The following RYR2 variants were observed in gnomAD, a reference collection of about 807,000 sequenced individuals.
The protein encoded by RYR2 is ryanodine receptor 2.
In RYR2, 227 loss-of-function variants were observed where a neutral mutation model predicts 601.1. The observed-to-expected ratio is 0.38, with a 90% CI of 0.34 to 0.42. The LOEUF is 0.42. RYR2 is among the 10% of genes least tolerant of loss of function. The pLI, the probability that RYR2 is intolerant of heterozygous loss-of-function variation, is 1.00. For missense variants in RYR2, 4,646 were observed against 6,156.5 expected, an observed-to-expected ratio of 0.75 and a Z score of 8.21; for synonymous variants, 2,223 against 2,175.1, an observed-to-expected ratio of 1.02 and a Z score of -0.61.
rs35563566 is a variant in RYR2, at chr1:237,801,833, A to ATT, written c.14091-12_14091-11dup. 44,905 of 1,357,498 alleles carry ATT rather than the reference A, an allele frequency of 0.033. 355 individuals carry two copies. The highest frequency in any genetic ancestry group is 0.085 in the African/African-American group (5,829 of 68,196). 84.1% of individuals were successfully genotyped at this position (1,357,498 alleles called of 1,614,324 possible). ...CTTTGGTTAATGTGCATAACTACGC[A>ATT]TTTTTTTTTTTTGTCATTGCAGACT... On this transcript the variant is annotated intron_variant, in intron 97 of 104. Coordinates refer to ENST00000366574, the MANE Select transcript of RYR2 (RefSeq NM_001035.3).
intron 1 of RYR2, among the ~76,000 whole-genome samples, chr1:237,193,123 C>A (rs1261932411): frequency 8.3e-6 from 1 of 120,470 alleles, no homozygotes; most frequent in African/African-American, 3.1e-5. Flanking sequence ...GAGATCAAGA[C>A]CATCCTGGCT....
rs757006230 is a variant in RYR2 at position 237,655,786 on chromosome 1, A to G, written c.7966-35A>G. ...ATCATGCTGACAACTTTTGCCATAT[A>G]GTAATTTTTTTTTTTGGTCCTCCAT... On this transcript the variant is annotated intron_variant, in intron 52 of 104. Transcript: ENST00000366574. 4 of 1,546,146 alleles carry G rather than the reference A, an allele frequency of 2.6e-6. No homozygotes were observed. The East Asian group carries it at 9.4e-5, about 36-fold the overall frequency.
At chr1:237,369,512 C>T (rs1572014278) in intron 5 of RYR2, 22 bp from the exon 6 acceptor site, 2 of 1,550,062 alleles carry the variant, frequency 1.3e-6, no homozygotes, top group African/African-American at 1.4e-5. Flanking sequence ...TCTTGTTCTC[C>T]TTTTTTCTCT....
At chr1:237,467,097 A>G (rs191197943) in intron 16 of RYR2, among the ~76,000 whole-genome samples, 26 of 149,038 alleles carry the variant, frequency 1.7e-4, no homozygotes, top group Admixed American at 6.7e-4. Context: ...CTTATGTTAT[A>G]TATATCATAT....
At chr1:237,426,449 T>C (rs2150073629) in intron 12 of RYR2, among the ~76,000 whole-genome samples, 1 of 152,264 alleles carries the variant, frequency 6.6e-6, no homozygotes, top group East Asian at 1.9e-4. Flanking sequence ...GGCTTCTTTC[T>C]TAAATCTAGC....
At chr1:237,143,206 A>G (rs1673580786) in intron 1 of RYR2, among the ~76,000 whole-genome samples, 1 of 152,220 alleles carries the variant, frequency 6.6e-6, no homozygotes, top group Non-Finnish European at 1.5e-5. Context: ...TGTAAAACAT[A>G]AATTGAGTCA....
chr1:237,228,840 C>A (rs1476214862), intron 1 of RYR2, among the ~76,000 whole-genome samples: 1 of 152,138 alleles, frequency 6.6e-6, no homozygotes, highest in Non-Finnish European at 1.5e-5. Context: ...TTGCCAAATT[C>A]TCTTCCTTTT....
At chr1:237,713,738 T>C (rs1219971563) in intron 71 of RYR2, among the ~76,000 whole-genome samples, 1 of 152,132 alleles carries the variant, frequency 6.6e-6, no homozygotes, top group East Asian at 1.9e-4. Flanking sequence ...GATAGATAGG[T>C]AGATAGCATT....
At position 237,648,576 on chromosome 1, in the gene RYR2, TTC is replaced by T; in HGVS notation, c.7477_7478del (p.Leu2493AlafsTer53). On this transcript the variant is annotated frameshift_variant, in exon 49 of 105. Transcript: ENST00000366574. LOFTEE classifies it high-confidence loss of function. ...CTCCTCCATCTTCTTGAGGTTGGCT[TTC>T]TGCCAGATCTCCGGGCGGCTGCTTC... The T allele has an allele frequency of 6.2e-7, 1 of 1,611,160 alleles. No homozygotes were observed. The highest frequency in any genetic ancestry group is 8.5e-7 in the Non-Finnish European group (1 of 1,178,552).
At chr1:237,147,412 G>A (rs1279356978) in intron 1 of RYR2, among the ~76,000 whole-genome samples, 1 of 152,064 alleles carries the variant, frequency 6.6e-6, no homozygotes, top group African/African-American at 2.4e-5. Context: ...TGGGGGTAGG[G>A]GTGGAAATAC....
At chr1:237,358,035 A>G (rs1699449519) in intron 4 of RYR2, among the ~76,000 whole-genome samples, 1 of 152,102 alleles carries the variant, frequency 6.6e-6, no homozygotes, top group African/African-American at 2.4e-5. Context: ...TTGAAATTCT[A>G]CTGTTACAGG....
At chr1:237,598,423 AAAAT>A (rs1372872456) in intron 34 of RYR2, among the ~76,000 whole-genome samples, 11 of 152,244 alleles carry the variant, frequency 7.2e-5, no homozygotes, top group African/African-American at 1.9e-4. Flanking sequence ...GTTAGGCCAC[AAAAT>A]AAATCTTTAA....
In RYR2 at chr1:237,798,158, C is replaced by T; in HGVS notation, c.14078C>T (p.Ser4693Phe). ...REKKKPKKDSSLSAVLNSIDV... is the reference protein window; with the variant it reads ...REKKKPKKDSFLSAVLNSIDV... Reference sequence around the variant, plus strand: ...AAGAAGAAGCCAAAGAAAGACAGCTCCTTATCAGCTGTGTAAGTGTTACTT... The same window carrying T: ...AAGAAGAAGCCAAAGAAAGACAGCTTCTTATCAGCTGTGTAAGTGTTACTT... The change falls in exon 97 of 105, where the codon TCC (serine) becomes TTC (phenylalanine). Residue 4693 changes from serine to phenylalanine, a missense_variant. Coordinates refer to ENST00000366574, the MANE Select transcript of RYR2 (RefSeq NM_001035.3). 10 of 1,612,468 alleles carry T rather than the reference C, an allele frequency of 6.2e-6. No individual in the cohort carries two copies. Among genetic ancestry groups the T allele is most frequent in the Non-Finnish European group, 7.6e-6 (9 of 1,179,220 alleles).
chr1:237,541,772 G>A (rs919782214), intron 25 of RYR2, among the ~76,000 whole-genome samples: 1 of 152,114 alleles, frequency 6.6e-6, no homozygotes, highest in African/African-American at 2.4e-5. Flanking sequence ...GGGCAGGAGT[G>A]GGGGTCACAA....
intron 11 of RYR2, among the ~76,000 whole-genome samples, chr1:237,421,064 C>T (rs1386373048): frequency 4.6e-5 from 7 of 152,144 alleles, no homozygotes; most frequent in South Asian, 2.1e-4. Context: ...CATGATGAAA[C>T]CCCGTCTCTA....
At chr1:237,825,606 G>A (rs1328559609) in intron 101 of RYR2, among the ~76,000 whole-genome samples, 2 of 152,120 alleles carry the variant, frequency 1.3e-5, no homozygotes, top group Non-Finnish European at 2.9e-5. Flanking sequence ...ATAGGCATGG[G>A]CAAAGACTTC....
chr1:237,631,823 T>C (rs950189631), intron 42 of RYR2, among the ~76,000 whole-genome samples: 6 of 151,068 alleles, frequency 4.0e-5, no homozygotes, highest in Admixed American at 6.6e-5. Context: ...AGAGACGGGG[T>C]TTCACTGTGT....
chr1:237,757,587 A>G, intron 81 of RYR2, 110 bp from the exon 82 acceptor site: 1 of 703,138 alleles, frequency 1.4e-6, no homozygotes. Context: ...CATTAAACAG[A>G]TTGCCTGGGG....
At chr1:237,212,167 A>G (rs769470723) in intron 1 of RYR2, among the ~76,000 whole-genome samples, 8 of 152,194 alleles carry the variant, frequency 5.3e-5, no homozygotes, top group Non-Finnish European at 1.2e-4. Flanking sequence ...AATACAGAAA[A>G]TATTAGGTTC....
Sources: allele counts gnomAD v4.1 joint callset (sites outside exome capture counted in the v4.1 genomes callset), GRCh38; gene constraint gnomAD v4.1.1; transcripts MANE v1.5; gene names NCBI Gene and HGNC (gene_info 2026-07-23, HGNC 2026-07-21).